Variants in HYCC1 observed in about 807,000 individuals in gnomAD.
HYCC1 encodes hyccin PI4KA lipid kinase complex subunit 1, also known as hyccin.
the HYCC1 span, among the ~76,000 whole-genome samples, chr7:23,002,161 T>A: frequency 3.8e-4 from 23 of 60,230 alleles, no homozygotes; most frequent in East Asian, 1.8e-3. Flanking sequence ...TATATATATA[T>A]ATATATATAT....
chr7:22,953,067 T>C, the HYCC1 span, among the ~76,000 whole-genome samples: 3 of 152,120 alleles, frequency 2.0e-5, no homozygotes, highest in South Asian at 2.1e-4. Context: ...AATGACAGAA[T>C]TCTCCTTATT....
the HYCC1 span, among the ~76,000 whole-genome samples, chr7:22,969,389 C>T: frequency 5.3e-5 from 8 of 151,906 alleles, no homozygotes; most frequent in Admixed American, 2.0e-4. Flanking sequence ...TGGTCTCAAG[C>T]TCTTGACCTC....
the HYCC1 span, among the ~76,000 whole-genome samples, chr7:22,919,522 C>A: frequency 6.6e-6 from 1 of 151,620 alleles, no homozygotes; most frequent in Non-Finnish European, 1.5e-5. Flanking sequence ...GAGGAAGATT[C>A]TGTCTCAAAA....
the HYCC1 span, among the ~76,000 whole-genome samples, chr7:22,982,386 G>A: frequency 6.6e-6 from 1 of 152,046 alleles, no homozygotes; most frequent in Non-Finnish European, 1.5e-5. Flanking sequence ...TTCATGATAC[G>A]CATTATAGTA....
chr7:22,920,090 G>A, the HYCC1 span, among the ~76,000 whole-genome samples: 2 of 152,212 alleles, frequency 1.3e-5, no homozygotes, highest in African/African-American at 4.8e-5. Context: ...CACTTTGGGA[G>A]GCAAAGGACG....
the HYCC1 span, among the ~76,000 whole-genome samples, chr7:23,006,692 T>C: frequency 7.4e-4 from 112 of 152,340 alleles, 1 homozygote; most frequent in African/African-American, 2.4e-3. Flanking sequence ...GTTTAATAAC[T>C]CATATATTAT....
At chr7:22,904,152 C>T in the HYCC1 span, among the ~76,000 whole-genome samples, 4 of 151,982 alleles carry the variant, frequency 2.6e-5, no homozygotes, top group Admixed American at 2.6e-4. Flanking sequence ...GTTTTTAGGG[C>T]CGGGCATGGT....
At chr7:23,002,150 A>ATATATATATATACACAAT in the HYCC1 span, among the ~76,000 whole-genome samples, 671 of 27,442 alleles carry the variant, frequency 0.024, 13 homozygotes, top group African/African-American at 0.12. Flanking sequence ...ATATATATAT[A>ATATATATATATACACAAT]TATATATATA....
the HYCC1 span, among the ~76,000 whole-genome samples, chr7:22,975,122 A>G: frequency 6.6e-6 from 1 of 152,150 alleles, no homozygotes; most frequent in East Asian, 1.9e-4. Context: ...AAATTCCTCA[A>G]ATAGAAATTA....
chr7:22,947,158 C>T, the HYCC1 span: 14 of 1,550,162 alleles, frequency 9.0e-6, no homozygotes, highest in East Asian at 1.5e-4. Context: ...TCCCCATTCC[C>T]GGTTCTCTCT....
At chr7:22,914,487 A>G in the HYCC1 span, among the ~76,000 whole-genome samples, 3 of 151,712 alleles carry the variant, frequency 2.0e-5, no homozygotes, top group Admixed American at 6.6e-5. Flanking sequence ...TTTCTGCAAC[A>G]CCACTTGGCC....
chr7:22,916,139 C>T, the HYCC1 span, among the ~76,000 whole-genome samples: 4 of 152,112 alleles, frequency 2.6e-5, no homozygotes, highest in Admixed American at 6.5e-5. Context: ...AGCCTGTTAT[C>T]GCTCGCCTGT....
At chr7:22,914,746 T>G in the HYCC1 span, among the ~76,000 whole-genome samples, 6 of 152,110 alleles carry the variant, frequency 3.9e-5, no homozygotes, top group African/African-American at 7.2e-5. Flanking sequence ...GAATCCTCCT[T>G]TTTTACGGAC....
the HYCC1 span, among the ~76,000 whole-genome samples, chr7:22,920,623 G>C: frequency 2.0e-5 from 3 of 152,156 alleles, no homozygotes; most frequent in African/African-American, 7.2e-5. Context: ...ACCAAAGGAA[G>C]TTCTTCAGGC....
chr7:22,950,603 T>C, the HYCC1 span, among the ~76,000 whole-genome samples: 5 of 152,022 alleles, frequency 3.3e-5, no homozygotes, highest in Admixed American at 3.3e-4. Flanking sequence ...TAAGAATTTT[T>C]ACATGGCAAA....
the HYCC1 span, among the ~76,000 whole-genome samples, chr7:22,957,333 T>C: frequency 2.7e-5 from 4 of 148,934 alleles, no homozygotes; most frequent in African/African-American, 7.4e-5. Context: ...AGGAAAGTTT[T>C]ACTTGGCGTC....
At chr7:22,940,824 T>C in the HYCC1 span, 1 of 151,858 alleles carries the variant, frequency 6.6e-6, no homozygotes, top group Non-Finnish European at 1.5e-5. Context: ...TTTTGCTTTT[T>C]TTTTTTTTTT....
At chr7:23,013,160 C>T in the HYCC1 span, among the ~76,000 whole-genome samples, 272 of 152,316 alleles carry the variant, frequency 1.8e-3, no homozygotes, top group Non-Finnish European at 3.2e-3. Context: ...AGCGTACAAA[C>T]TTGGGGGTGT....
At chr7:22,988,106 A>C in the HYCC1 span, among the ~76,000 whole-genome samples, 1 of 152,100 alleles carries the variant, frequency 6.6e-6, no homozygotes, top group Admixed American at 6.6e-5. Flanking sequence ...CTCTTTGTCA[A>C]ACATAGAGCT....
Sources: allele counts gnomAD v4.1 joint callset (sites outside exome capture counted in the v4.1 genomes callset), GRCh38; gene constraint gnomAD v4.1.1; transcripts MANE v1.5; gene names NCBI Gene and HGNC (gene_info 2026-07-23, HGNC 2026-07-21).